The following KIAA1328 variants were observed in gnomAD, a reference collection of about 807,000 sequenced individuals.
The protein encoded by KIAA1328 is KIAA1328.
A neutral mutation model predicts 68.1 loss-of-function variants in KIAA1328; 52 were observed. The observed-to-expected ratio is 0.76, with a 90% CI of 0.61 to 0.96. KIAA1328 has a LOEUF of 0.96. KIAA1328 is among the 40% of genes least tolerant of loss of function. The pLI is 0.00. For missense variants in KIAA1328, 641 were observed against 677.6 expected, an observed-to-expected ratio of 0.95 and a Z score of 0.60; for synonymous variants, 232 against 239.4, an observed-to-expected ratio of 0.97 and a Z score of 0.28.
chr18:37,100,468 G>C (rs1348051079), intron 7 of KIAA1328, among the ~76,000 whole-genome samples: 1 of 152,178 alleles, frequency 6.6e-6, no homozygotes, highest in Non-Finnish European at 1.5e-5. Flanking sequence ...CAGCAAGGCT[G>C]GGGGAGGGGC....
chr18:37,193,790 A>G (rs2059952199), intron 9 of KIAA1328: 1 of 609,366 alleles, frequency 1.6e-6, no homozygotes, highest in East Asian at 2.8e-5. Context: ...GAACAAATTC[A>G]TAGGGTATAT....
At chr18:37,083,261 C>T (rs930141223) in intron 7 of KIAA1328, among the ~76,000 whole-genome samples, 1 of 150,028 alleles carries the variant, frequency 6.7e-6, no homozygotes, top group Admixed American at 6.6e-5. Flanking sequence ...TGTGTCACCA[C>T]CAAATATTAG....
chr18:36,983,692 A>G (rs1422646707), intron 6 of KIAA1328, among the ~76,000 whole-genome samples: 1 of 152,134 alleles, frequency 6.6e-6, no homozygotes, highest in African/African-American at 2.4e-5. Flanking sequence ...TCTACCAAAC[A>G]TTTAAGGAAG....
chr18:36,848,390 T>A (rs1184473911), intron 4 of KIAA1328, among the ~76,000 whole-genome samples: 1 of 151,390 alleles, frequency 6.6e-6, no homozygotes, highest in Non-Finnish European at 1.5e-5. Context: ...AAAAATAGAT[T>A]TTTTTAACAT....
chr18:37,151,881 A>G (rs1356659593), intron 7 of KIAA1328, among the ~76,000 whole-genome samples: 1 of 152,074 alleles, frequency 6.6e-6, no homozygotes, highest in African/African-American at 2.4e-5. Context: ...GAGGGCTTCC[A>G]TATGGGAACT....
chr18:36,854,311 C>T (rs2047314630), intron 4 of KIAA1328, among the ~76,000 whole-genome samples: 1 of 152,198 alleles, frequency 6.6e-6, no homozygotes, highest in Non-Finnish European at 1.5e-5. Context: ...TCAGGCTACT[C>T]AGTCTGTGGT....
At chr18:37,137,356 A>C (rs186353551) in intron 7 of KIAA1328, among the ~76,000 whole-genome samples, 1 of 151,938 alleles carries the variant, frequency 6.6e-6, no homozygotes, top group African/African-American at 2.4e-5. Context: ...TCCTTAAAAC[A>C]AAACAAAAAA....
intron 6 of KIAA1328, among the ~76,000 whole-genome samples, chr18:36,961,277 AAAC>A (rs1290323476): frequency 6.6e-6 from 1 of 152,166 alleles, no homozygotes; most frequent in African/African-American, 2.4e-5. Flanking sequence ...AAAAAAGTAA[AAAC>A]AAACGAGCAA....
chr18:37,211,327 C>A (rs1206612018), intron 9 of KIAA1328, among the ~76,000 whole-genome samples: 1 of 152,146 alleles, frequency 6.6e-6, no homozygotes, highest in African/African-American at 2.4e-5. Context: ...GTTTCCTCAT[C>A]AATAAAATAA....
chr18:36,976,737 G>A (rs970779417), intron 6 of KIAA1328, among the ~76,000 whole-genome samples: 4 of 152,022 alleles, frequency 2.6e-5, no homozygotes, highest in Admixed American at 6.6e-5. Flanking sequence ...AAATACCTGC[G>A]TAGATTTGAT....
intron 6 of KIAA1328, among the ~76,000 whole-genome samples, chr18:36,988,743 TTATACA>T (rs1379790523): frequency 1.3e-5 from 2 of 152,206 alleles, no homozygotes; most frequent in Non-Finnish European, 2.9e-5. Flanking sequence ...TAGGTTAATC[TTATACA>T]TATAATTTTT....
intron 6 of KIAA1328, among the ~76,000 whole-genome samples, chr18:37,041,770 A>G (rs546606482): frequency 1.3e-5 from 2 of 152,140 alleles, no homozygotes; most frequent in African/African-American, 4.8e-5. Context: ...TTCTTAACCT[A>G]TTACAGTCTT....
At chr18:37,183,321 A>G (rs1190343151) in intron 9 of KIAA1328, among the ~76,000 whole-genome samples, 4 of 152,156 alleles carry the variant, frequency 2.6e-5, no homozygotes, top group Non-Finnish European at 5.9e-5. Flanking sequence ...TGCATATTGG[A>G]ATCACTTAGG....
At chr18:36,970,066 C>T (rs1419897126) in intron 6 of KIAA1328, among the ~76,000 whole-genome samples, 1 of 152,210 alleles carries the variant, frequency 6.6e-6, no homozygotes, top group African/African-American at 2.4e-5. Context: ...CAATAAAATA[C>T]TGGCACACCA....
At chr18:37,147,800 T>C (rs1228369746) in intron 7 of KIAA1328, among the ~76,000 whole-genome samples, 1 of 152,156 alleles carries the variant, frequency 6.6e-6, no homozygotes, top group Admixed American at 6.6e-5. Context: ...ATTTGTAGCA[T>C]TTCTATATAG....
intron 5 of KIAA1328, chr18:36,895,759 G>A (rs2048847749): frequency 2.2e-6 from 1 of 456,176 alleles, no homozygotes. Flanking sequence ...CTGAAGATAG[G>A]GTTTTTAGGA....
intron 9 of KIAA1328, among the ~76,000 whole-genome samples, chr18:37,203,091 C>T (rs1800724667): frequency 6.7e-6 from 1 of 150,206 alleles, no homozygotes; most frequent in South Asian, 2.1e-4. Flanking sequence ...AAAGGTAAAC[C>T]AAAATCTTTT....
intron 6 of KIAA1328, among the ~76,000 whole-genome samples, chr18:37,024,283 G>T (rs571610587): frequency 6.6e-6 from 1 of 151,740 alleles, no homozygotes; most frequent in Non-Finnish European, 1.5e-5. Flanking sequence ...TTACAGGCAT[G>T]AGCCACCATG....
intron 6 of KIAA1328, among the ~76,000 whole-genome samples, chr18:36,973,790 T>C (rs1415349962): frequency 7.0e-6 from 1 of 143,548 alleles, no homozygotes; most frequent in Admixed American, 7.1e-5. Context: ...CACAGTTTTA[T>C]ATATAATTGT....
Sources: allele counts gnomAD v4.1 joint callset (sites outside exome capture counted in the v4.1 genomes callset), GRCh38; gene constraint gnomAD v4.1.1; transcripts MANE v1.5; gene names NCBI Gene and HGNC (gene_info 2026-07-23, HGNC 2026-07-21).